Variants in FARS2 observed in about 807,000 individuals in gnomAD.
The protein encoded by FARS2 is phenylalanine--tRNA ligase, mitochondrial.
A neutral mutation model predicts 46.4 loss-of-function variants in FARS2; 40 were observed. The observed-to-expected ratio is 0.86, with a 90% confidence interval of 0.67 to 1.12. FARS2 has a LOEUF of 1.12. FARS2 is among the 50% of genes most tolerant of loss of function. The probability of loss-of-function intolerance (pLI) is 0.00; values close to 1 mark genes in which losing one functional copy is unlikely to be tolerated. For missense variants in FARS2, 513 were observed against 567.9 expected (o/e 0.90, Z 0.98); for synonymous variants, 234 against 214.9 (o/e 1.09, Z -0.78).
At chr6:5,728,574 C>G (rs563385534) in intron 6 of FARS2, among the ~76,000 whole-genome samples, 46 of 152,246 alleles carry the variant, frequency 3.0e-4, no homozygotes, top group African/African-American at 1.1e-3. Flanking sequence ...CAGTAAGTGA[C>G]AGGAAAAACA....
intron 6 of FARS2, among the ~76,000 whole-genome samples, chr6:5,711,508 G>A (rs770931957): frequency 1.3e-5 from 2 of 152,170 alleles, no homozygotes; most frequent in Non-Finnish European, 2.9e-5. Flanking sequence ...CTTCCACCAC[G>A]TGACCAAGGC....
At chr6:5,574,331 A>G (rs1045742737) in intron 5 of FARS2, among the ~76,000 whole-genome samples, 3 of 151,996 alleles carry the variant, frequency 2.0e-5, no homozygotes, top group Non-Finnish European at 4.4e-5. Flanking sequence ...TCACCGTGTT[A>G]GCCAGGATGG....
chr6:5,530,981 T>A (rs1261390098), intron 4 of FARS2, among the ~76,000 whole-genome samples: 2 of 151,140 alleles, frequency 1.3e-5, no homozygotes, highest in African/African-American at 2.4e-5. Context: ...TCAATATAAA[T>A]ACAGGGCTGC....
At chr6:5,752,055 T>G (rs1446050296) in intron 6 of FARS2, among the ~76,000 whole-genome samples, 1 of 152,052 alleles carries the variant, frequency 6.6e-6, no homozygotes, top group African/African-American at 2.4e-5. Context: ...TGTTGTGCCG[T>G]GCAAAGATCC....
At chr6:5,725,797 G>A (rs112764427) in intron 6 of FARS2, among the ~76,000 whole-genome samples, 8 of 152,222 alleles carry the variant, frequency 5.3e-5, no homozygotes, top group African/African-American at 1.2e-4. Flanking sequence ...TTAGCTGGGC[G>A]TGGCGCGCAC....
At chr6:5,545,823 A>G (rs932436709) in intron 5 of FARS2, among the ~76,000 whole-genome samples, 14 of 152,228 alleles carry the variant, frequency 9.2e-5, no homozygotes, top group Non-Finnish European at 8.8e-5. Context: ...ATTTTAAATA[A>G]TGTGAATTTG....
chr6:5,296,910 C>A (rs1392645338), intron 1 of FARS2, among the ~76,000 whole-genome samples: 1 of 152,162 alleles, frequency 6.6e-6, no homozygotes, highest in East Asian at 1.9e-4. Context: ...TTTTCAAGAT[C>A]CTGCTTTTAG....
chr6:5,564,414 A>G (rs558047726), intron 5 of FARS2, among the ~76,000 whole-genome samples: 1 of 152,180 alleles, frequency 6.6e-6, no homozygotes, highest in South Asian at 2.1e-4. Flanking sequence ...TATGTTACCC[A>G]TCCCTTTTTT....
chr6:5,402,974 G>C (rs1236318930), intron 2 of FARS2, among the ~76,000 whole-genome samples: 5 of 152,096 alleles, frequency 3.3e-5, no homozygotes. Flanking sequence ...CTTATCAGTG[G>C]GGTAGGAGTA....
chr6:5,293,189 T>G (rs1767623231), intron 1 of FARS2, among the ~76,000 whole-genome samples: 1 of 152,182 alleles, frequency 6.6e-6, no homozygotes, highest in Non-Finnish European at 1.5e-5. Context: ...TGTTTAGTGT[T>G]TATGGCTCAG....
chr6:5,555,000 C>T (rs572102385), intron 5 of FARS2, among the ~76,000 whole-genome samples: 1 of 152,044 alleles, frequency 6.6e-6, no homozygotes, highest in African/African-American at 2.4e-5. Flanking sequence ...GCTCTGTGTC[C>T]CCACCCAAGT....
At chr6:5,345,011 C>A (rs1330669454) in intron 1 of FARS2, among the ~76,000 whole-genome samples, 1 of 151,806 alleles carries the variant, frequency 6.6e-6, no homozygotes, top group Non-Finnish European at 1.5e-5. Context: ...AGGGTGGTCT[C>A]GAACTCCTGA....
At chr6:5,253,694 G>A in the FARS2 span, among the ~76,000 whole-genome samples, 1 of 152,100 alleles carries the variant, frequency 6.6e-6, no homozygotes, top group African/African-American at 2.4e-5. Flanking sequence ...CCGACCAATT[G>A]AGAGCAATCA....
At chr6:5,433,399 G>A (rs540048201) in intron 4 of FARS2, among the ~76,000 whole-genome samples, 1 of 152,300 alleles carries the variant, frequency 6.6e-6, no homozygotes, top group East Asian at 1.9e-4. Context: ...TGTCAACAGA[G>A]GGTCCCCTTA....
At chr6:5,689,134 G>C (rs562958048) in intron 6 of FARS2, among the ~76,000 whole-genome samples, 163 of 152,114 alleles carry the variant, frequency 1.1e-3, no homozygotes, top group Non-Finnish European at 1.9e-3. Flanking sequence ...CAATTTTGTT[G>C]ATCTTTTCAA....
chr6:5,668,686 G>GTTTT (rs58819474), intron 6 of FARS2, among the ~76,000 whole-genome samples: 29 of 53,358 alleles, frequency 5.4e-4, no homozygotes, highest in South Asian at 3.2e-3. Context: ...GTGTGTTTGG[G>GTTTT]TTTTTTTTTT....
intron 2 of FARS2, among the ~76,000 whole-genome samples, chr6:5,389,331 C>T (rs896889795): frequency 3.3e-5 from 5 of 152,232 alleles, no homozygotes; most frequent in Non-Finnish European, 7.3e-5. Flanking sequence ...GCCATCTTCT[C>T]TCTTGTGTCC....
chr6:5,444,141 G>A (rs1336197975), intron 4 of FARS2, among the ~76,000 whole-genome samples: 4 of 151,298 alleles, frequency 2.6e-5, no homozygotes, highest in Non-Finnish European at 4.4e-5. Flanking sequence ...GTGCATGCAC[G>A]CACGTGCATA....
At chr6:5,575,940 A>G (rs1216749087) in intron 5 of FARS2, among the ~76,000 whole-genome samples, 1 of 152,138 alleles carries the variant, frequency 6.6e-6, no homozygotes, top group African/African-American at 2.4e-5. Flanking sequence ...GAGGGGCATG[A>G]TGTCAGTTTG....
Sources: gnomAD v4.1 joint callset for allele counts (sites outside exome capture counted in the v4.1 genomes callset) on GRCh38, gnomAD v4.1.1 for gene constraint, MANE v1.5 for transcripts, NCBI Gene and HGNC (gene_info 2026-07-23, HGNC 2026-07-21) for gene names.